Variants in CLDN10 observed in about 807,000 individuals in gnomAD.
CLDN10 encodes the protein claudin 10, also known as claudin-10.
Under a neutral mutation model 22.9 loss-of-function variants are expected in CLDN10, and 15 were observed. The observed-to-expected ratio is 0.65, with a 90% CI of 0.44 to 1.01. The LOEUF is 1.01. CLDN10 is among the 50% of genes least tolerant of loss of function. The probability of loss-of-function intolerance (pLI) is 0.00; values close to 1 mark genes in which losing one functional copy is unlikely to be tolerated. For synonymous variants in CLDN10, 114 were observed against 111.4 expected (o/e 1.02, Z -0.15); for missense variants, 247 against 287.8 (o/e 0.86, Z 1.03).
Position 95,552,989 on chromosome 13 carries a change from G to C in CLDN10, c.220+16G>C, listed in dbSNP as rs1566333169. On this transcript the variant is annotated intron_variant, in intron 1 of 4. Coordinates refer to ENST00000299339, the MANE Select transcript of CLDN10 (RefSeq NM_006984.5). ...GCGCTGGACGGTCTGCATCCCCGCG[G>C]CCCCCGCCCTCAGCCCTCCTTCCTT... 1.2e-6 allele frequency: 2 copies of C among 1,612,606 alleles called. No individual in the cohort carries two copies. The highest frequency in any genetic ancestry group is 1.7e-6 in the Non-Finnish European group (2 of 1,179,646).
intron 3 of CLDN10, among the ~76,000 whole-genome samples, chr13:95,566,262 T>C (rs946617089): frequency 6.6e-6 from 1 of 152,230 alleles, no homozygotes. Context: ...AGCATTCCTA[T>C]TTCTCCACAT....
intron 1 of CLDN10, among the ~76,000 whole-genome samples, chr13:95,508,860 G>A (rs748535694): frequency 6.6e-6 from 1 of 152,226 alleles, no homozygotes; most frequent in Non-Finnish European, 1.5e-5. Flanking sequence ...TGAGCAATGG[G>A]ACTGAGGAAC....
chr13:95,494,947 A>T (rs1278644760), intron 1 of CLDN10, among the ~76,000 whole-genome samples: 2 of 152,120 alleles, frequency 1.3e-5, no homozygotes, highest in East Asian at 3.9e-4. Flanking sequence ...ACTGCTTGGT[A>T]AAATTAATAT....
chr13:95,510,297 C>T (rs1486565184), intron 1 of CLDN10, among the ~76,000 whole-genome samples: 3 of 152,226 alleles, frequency 2.0e-5, no homozygotes, highest in African/African-American at 2.4e-5. Flanking sequence ...CCTCAATCCA[C>T]GTGGTCACCA....
chr13:95,529,433 A>C (rs1405337850), intron 1 of CLDN10, among the ~76,000 whole-genome samples: 1 of 152,200 alleles, frequency 6.6e-6, no homozygotes, highest in East Asian at 1.9e-4. Flanking sequence ...AGGGCTTGAA[A>C]GGAATTGTTA....
chr13:95,525,959 A>T (rs557903863), intron 1 of CLDN10, among the ~76,000 whole-genome samples: 53 of 152,236 alleles, frequency 3.5e-4, no homozygotes, highest in Non-Finnish European at 7.1e-4. Context: ...TCTTATTTGG[A>T]TGTTGGATCT....
rs976763779 is a variant in CLDN10 at position 95,522,215 on chromosome 13, C to T, written c.215-37917C>T. ...CTTTTTCTGTTTATTTGAGATCATG[C>T]TTGGGTGATGAATTCTCATTCTTCT... is the stretch of plus-strand genomic sequence containing the variant. On this transcript the variant is annotated intron_variant, in intron 1 of 4. Coordinates refer to the CLDN10 transcript ENST00000376873. Among the ~76,000 whole-genome samples, 3 of 151,914 alleles carry T rather than the reference C, an allele frequency of 2.0e-5. No individual in the cohort carries two copies. The East Asian group carries it at 5.8e-4, about 29-fold the overall frequency.
chr13:95,435,677 G>C (rs2042262134), intron 1 of CLDN10, among the ~76,000 whole-genome samples: 1 of 152,078 alleles, frequency 6.6e-6, no homozygotes, highest in Non-Finnish European at 1.5e-5. Context: ...TGTGTGTGGA[G>C]ACCCTCTTGT....
chr13:95,547,489 G>T (rs1379878695), intron 1 of CLDN10, among the ~76,000 whole-genome samples: 1 of 152,196 alleles, frequency 6.6e-6, no homozygotes, highest in Non-Finnish European at 1.5e-5. Flanking sequence ...GAAATGAGAG[G>T]CATGAATGAA....
intron 1 of CLDN10, among the ~76,000 whole-genome samples, chr13:95,486,306 T>C (rs768170570): frequency 1.3e-5 from 2 of 152,122 alleles, no homozygotes; most frequent in African/African-American, 4.8e-5. Flanking sequence ...GTGGATCACT[T>C]GAGGTCAGGA....
intron 1 of CLDN10, among the ~76,000 whole-genome samples, chr13:95,524,467 T>C (rs995340069): frequency 4.6e-5 from 7 of 152,234 alleles, no homozygotes; most frequent in Non-Finnish European, 7.3e-5. Context: ...TCAAAAGTCA[T>C]TCATGTTGTA....
chr13:95,524,263 A>T (rs2043254007), intron 1 of CLDN10, among the ~76,000 whole-genome samples: 1 of 152,148 alleles, frequency 6.6e-6, no homozygotes, highest in African/African-American at 2.4e-5. Flanking sequence ...GAGGCCTTTC[A>T]CACGTTTTGA....
Position 95,547,494 on chromosome 13 carries a change from A to C in CLDN10, c.215-12638A>C, listed in dbSNP as rs572610345. Among the ~76,000 whole-genome samples, 5 of 152,370 alleles carry C rather than the reference A, an allele frequency of 3.3e-5. No individual in the cohort carries two copies. In the South Asian group the frequency reaches 1.0e-3, roughly 32 times the overall value. On this transcript the variant is annotated intron_variant, in intron 1 of 4. Transcript: ENST00000376873. ...GAGACACAAGGAAATGAGAGGCATG[A>C]ATGAACTGAATAATATTCATTATTT...
At chr13:95,450,161 T>C (rs369838589) in intron 1 of CLDN10, among the ~76,000 whole-genome samples, 3 of 152,224 alleles carry the variant, frequency 2.0e-5, no homozygotes, top group Non-Finnish European at 4.4e-5. Context: ...AGGCATGAGC[T>C]ACTGCACCTG....
intron 1 of CLDN10, among the ~76,000 whole-genome samples, chr13:95,493,917 C>T (rs768509265): frequency 2.0e-5 from 3 of 152,122 alleles, no homozygotes; most frequent in South Asian, 2.1e-4. Context: ...GGTTCATCCA[C>T]GTTGTGCATG....
At chr13:95,523,873 A>G (rs2043247730) in intron 1 of CLDN10, among the ~76,000 whole-genome samples, 1 of 152,180 alleles carries the variant, frequency 6.6e-6, no homozygotes, top group Non-Finnish European at 1.5e-5. Flanking sequence ...CTTGACCTCT[A>G]CACATGAGAT....
chr13:95,509,690 C>T (rs114198261), intron 1 of CLDN10, among the ~76,000 whole-genome samples: 1,533 of 152,248 alleles, frequency 0.01, 26 homozygotes, highest in African/African-American at 0.034. Context: ...CTTTTCCCTA[C>T]GGTGATTCCA....
Position 95,579,607 on chromosome 13 carries a change from G to A in CLDN10, c.*1593G>A, listed in dbSNP as rs772212309. On this transcript the variant is annotated 3_prime_UTR_variant, in exon 5 of 5. Transcript: ENST00000299339. The stretch of plus-strand genomic sequence containing the variant: ...GTTATCTTTGAGTAAGAAACTGTCC[G>A]ATATGAATCACAACGTGGGTGAATG... 18 of 152,222 alleles carry A rather than the reference G, an allele frequency of 1.2e-4. No individual in the cohort carries two copies. The highest frequency in any genetic ancestry group is 1.9e-4 in the East Asian group (1 of 5,182). 9.4% of individuals were successfully genotyped at this position (152,222 alleles called of 1,614,324 possible).
At chr13:95,444,464 G>A (rs147190734) in intron 1 of CLDN10, among the ~76,000 whole-genome samples, 27 of 152,332 alleles carry the variant, frequency 1.8e-4, no homozygotes, top group African/African-American at 6.0e-4. Context: ...GACTCAGGGA[G>A]GAACAGGACA....
Sources: allele counts gnomAD v4.1 joint callset (sites outside exome capture counted in the v4.1 genomes callset), GRCh38; gene constraint gnomAD v4.1.1; transcripts MANE v1.5; gene names NCBI Gene and HGNC (gene_info 2026-07-23, HGNC 2026-07-21).